The following EXOC7 variants were observed in gnomAD, a reference collection of about 807,000 sequenced individuals.
The protein encoded by EXOC7 is exocyst complex component 7, also known as exocyst complex component Exo70.
In EXOC7, 51 loss-of-function variants were observed where a neutral mutation model predicts 87.6. That is an observed-to-expected ratio of 0.58 (90% CI 0.46 to 0.73). The LOEUF (loss-of-function observed/expected upper bound fraction) is 0.73. Ranked by LOEUF, EXOC7 falls within the 30% of genes least tolerant of loss-of-function variation. The pLI, the probability that EXOC7 is intolerant of heterozygous loss-of-function variation, is 0.00. For synonymous variants in EXOC7, 327 were observed against 357.1 expected, an observed-to-expected ratio of 0.92 and a Z score of 0.95; for missense variants, 744 against 888.4, an observed-to-expected ratio of 0.84 and a Z score of 2.07.
At position 76,081,664 on chromosome 17, in the gene EXOC7, C is replaced by G; in HGVS notation, c.*1984G>C. 1.2e-6 allele frequency: 2 copies of G among 1,614,150 alleles called. No individual in the cohort carries two copies. Among genetic ancestry groups the G allele is most frequent in the Non-Finnish European group, 1.7e-6 (2 of 1,180,026 alleles). On this transcript the variant is annotated 3_prime_UTR_variant, in exon 19 of 19. Coordinates refer to ENST00000589210, the MANE Select transcript of EXOC7 (RefSeq NM_001013839.4). ...CCCTCCGGGCCATTGAGCGCATAGG[C>G]TACAAGGTGACATTGCTGCTGAGTT...
Position 76,081,228 on chromosome 17 carries a change from C to A in EXOC7, c.*2420G>T. On this transcript the variant is annotated 3_prime_UTR_variant, in exon 19 of 19. Transcript: ENST00000589210. ...TCCAGTCTGCTACCCCCAGACTTGG[C>A]AGCTGGGATCTCTCCTTCCTGGTTC... 6.2e-7 allele frequency: 1 copy of A among 1,606,284 alleles called. No individual in the cohort carries two copies. The highest frequency in any genetic ancestry group is 8.5e-7 in the Non-Finnish European group (1 of 1,176,452).
intron 8 of EXOC7, 109 bp from the exon 9 acceptor site, chr17:76,089,032 G>A: frequency 6.8e-7 from 1 of 1,469,934 alleles, no homozygotes; most frequent in South Asian, 1.2e-5. Flanking sequence ...AGGAAGAGGG[G>A]TGACGGGGAG....
At chr17:76,086,371 A>C (rs1041012913) in intron 12 of EXOC7, among the ~76,000 whole-genome samples, 1 of 152,196 alleles carries the variant, frequency 6.6e-6, no homozygotes, top group Non-Finnish European at 1.5e-5. Flanking sequence ...GAGCTGGCCC[A>C]TGTCAGCAGA....
Position 76,081,506 on chromosome 17 carries a change from T to TC in EXOC7, c.*2141dup, listed in dbSNP as rs747707246. The TC allele has an allele frequency of 1.9e-4, 308 of 1,609,448 alleles. 1 individual carries two copies. Among genetic ancestry groups the TC allele is most frequent in the East Asian group, 3.6e-4 (16 of 44,812 alleles). ...CCCATGCCCCCGATGCCCACCTCCTTCCCCCCCGCCGGGAAGGCCCTGACT... is the reference window on the plus strand; with the variant it reads ...CCCATGCCCCCGATGCCCACCTCCTTCCCCCCCCGCCGGGAAGGCCCTGACT... On this transcript the variant is annotated 3_prime_UTR_variant, in exon 19 of 19. Transcript: ENST00000589210.
intron 4 of EXOC7, 141 bp downstream of exon 4, chr17:76,101,130 C>A: frequency 1.6e-6 from 2 of 1,288,516 alleles, no homozygotes; most frequent in East Asian, 2.9e-5. Flanking sequence ...AGCAGAGATC[C>A]TAATGCCTAT....
chr17:76,096,480 C>G (rs2067757783), intron 5 of EXOC7, among the ~76,000 whole-genome samples: 1 of 143,050 alleles, frequency 7.0e-6, no homozygotes, highest in Non-Finnish European at 1.5e-5. Context: ...CCACTGCACT[C>G]CAGCGTGGGT....
intron 2 of EXOC7, 89 bp downstream of exon 2, chr17:76,103,272 C>T (rs2068162742): frequency 4.8e-6 from 6 of 1,260,116 alleles, no homozygotes; most frequent in Middle Eastern, 4.3e-4. Context: ...TCCAGAACTC[C>T]AGGCCGCAGG....
chr17:76,099,247 T>C (rs2067937692), intron 4 of EXOC7, among the ~76,000 whole-genome samples: 1 of 152,240 alleles, frequency 6.6e-6, no homozygotes, highest in Admixed American at 6.5e-5. Flanking sequence ...GGCTTACGCC[T>C]GTAATCCCAG....
At chr17:76,094,695 C>T in intron 5 of EXOC7, 114 bp from the exon 6 acceptor site, 1 of 1,080,928 alleles carries the variant, frequency 9.3e-7, no homozygotes, top group Non-Finnish European at 1.3e-6. Flanking sequence ...GCTCCCTGCT[C>T]TGGTCACAAG....
At position 76,084,558 on chromosome 17, in the gene EXOC7, T is replaced by C. The variant is rs775392515; in HGVS notation, c.1735A>G (p.Ile579Val). 6.2e-7 allele frequency: 1 copy of C among 1,613,954 alleles called. No homozygotes were observed. The highest frequency in any genetic ancestry group is 8.5e-7 in the Non-Finnish European group (1 of 1,180,022). ...AACACAGGTAGATTCTTCTCTGCGA[T>C]GTAATCAGTCACCTTTAACCAGCTG... ...QRSWLKVTDY[I>V]AEKNLPVFQP... Residue 579 changes from isoleucine (I) to valine (V), a missense_variant, in exon 16 of 19, where the codon ATC becomes GTC. Physicochemically the swap from Ile to Val is conservative, Grantham distance 29. Coordinates refer to ENST00000589210, the MANE Select transcript of EXOC7 (RefSeq NM_001013839.4).
Position 76,081,410 on chromosome 17 carries a change from A to G in EXOC7, c.*2238T>C, listed in dbSNP as rs1006390876. On this transcript the variant is annotated 3_prime_UTR_variant, in exon 19 of 19. Coordinates refer to ENST00000589210, the MANE Select transcript of EXOC7 (RefSeq NM_001013839.4). Reference sequence around the variant, plus strand: ...CCCTGCTTCCAGGTGACGGTGAGTCAAGTCGGGAGGAGGCCGACAGAGGGC... The same window carrying G: ...CCCTGCTTCCAGGTGACGGTGAGTCGAGTCGGGAGGAGGCCGACAGAGGGC... The G allele has an allele frequency of 6.2e-7, 1 of 1,613,924 alleles. No homozygotes were observed. The highest frequency in any genetic ancestry group is 1.3e-5 in the African/African-American group (1 of 74,942).
In EXOC7 at chr17:76,097,933, A is replaced by G. The variant is rs763875110; in HGVS notation, c.503T>C (p.Val168Ala). 1 of 1,614,030 alleles carries G rather than the reference A, an allele frequency of 6.2e-7. No homozygotes were observed. Among genetic ancestry groups the G allele is most frequent in the Non-Finnish European group, 8.5e-7 (1 of 1,179,998 alleles). Reference sequence around the variant, plus strand: ...ACCACTGATCAGATCCAAGATGAGCACGGGCGAGACGACCTTACTGTGCCG... The same window carrying G: ...ACCACTGATCAGATCCAAGATGAGCGCGGGCGAGACGACCTTACTGTGCCG... ...MTRHSKVVSP[V>A]LILDLISGDD... Residue 168 changes from valine to alanine, a missense_variant, in exon 5 of 19, where the codon GTG becomes GCG. Val to Ala is a moderately conservative substitution (Grantham distance 64). Around this residue, in one of 3 missense-constraint regions of EXOC7, gnomAD observed 512 missense variants for 573.0 expected, o/e 0.89. Coordinates refer to ENST00000589210, the MANE Select transcript of EXOC7 (RefSeq NM_001013839.4).
intron 1 of EXOC7, 27 bp downstream of exon 1, chr17:76,103,606 C>T (rs766237590): frequency 1.2e-6 from 2 of 1,612,202 alleles, no homozygotes; most frequent in African/African-American, 2.7e-5. Context: ...CTCACCTCCT[C>T]CCCAGCCTCC....
Position 76,088,041 on chromosome 17 carries a change from G to A in EXOC7, c.1362+19C>T, listed in dbSNP as rs779589279. 2.2e-5 allele frequency: 36 copies of A among 1,613,676 alleles called. No homozygotes were observed. The South Asian group carries it at 3.8e-4, about 17-fold the overall frequency. On this transcript the variant is annotated intron_variant, in intron 11 of 18. Transcript: ENST00000589210. ...CCCTCCTTCCTCCCCTCTCCCTGGTGTCCTCAGGCAGCACCCACATTGCTG... is the reference window on the plus strand; with the variant it reads ...CCCTCCTTCCTCCCCTCTCCCTGGTATCCTCAGGCAGCACCCACATTGCTG...
At chr17:76,084,705 T>A in intron 15 of EXOC7, 125 bp from the exon 16 acceptor site, 1 of 730,646 alleles carries the variant, frequency 1.4e-6, no homozygotes, top group Non-Finnish European at 2.3e-6. Context: ...GGGTCACAAC[T>A]AAGCAAACAA....
chr17:76,085,222 C>T (rs2067156379), intron 15 of EXOC7, 92 bp downstream of exon 15: 5 of 1,072,964 alleles, frequency 4.7e-6, no homozygotes, highest in Non-Finnish European at 6.9e-6. Context: ...AGGAGTTCCC[C>T]GTGACCGACT....
intron 2 of EXOC7, among the ~76,000 whole-genome samples, chr17:76,102,635 T>A (rs923759796): frequency 2.6e-5 from 4 of 152,314 alleles, no homozygotes; most frequent in Middle Eastern, 6.8e-3. Flanking sequence ...ATTAAAATTT[T>A]TAGAAAAGGA....
At chr17:76,083,915 C>CCCTTCT in intron 18 of EXOC7, 91 bp downstream of exon 18, 1 of 1,486,464 alleles carries the variant, frequency 6.7e-7, no homozygotes, top group Non-Finnish European at 9.0e-7. Context: ...AAATCCACCA[C>CCCTTCT]CCTTCTCCTT....
At chr17:76,084,846 T>G in intron 15 of EXOC7, 2 of 524,556 alleles carry the variant, frequency 3.8e-6, no homozygotes, top group Non-Finnish European at 6.8e-6. Context: ...CGTGGCAAAC[T>G]AAGATGGAGA....
Sources: gnomAD v4.1 joint callset for allele counts (sites outside exome capture counted in the v4.1 genomes callset) on GRCh38, gnomAD v4.1.1 for gene constraint, gnomAD v4.1.1 regional missense constraint, MANE v1.5 for transcripts, NCBI Gene and HGNC (gene_info 2026-07-23, HGNC 2026-07-21) for gene names.